Variants in ST3GAL6 observed in about 807,000 individuals in gnomAD.
ST3GAL6 encodes the protein ST3 beta-galactoside alpha-2,3-sialyltransferase 6.
ST3GAL6 carries 31 observed loss-of-function variants against 40.5 expected under a neutral mutation model. The observed-to-expected ratio is 0.77, with a 90% CI of 0.58 to 1.03. The LOEUF (loss-of-function observed/expected upper bound fraction) is 1.03, where lower values mean the gene tolerates loss of function less well. Among genes scored for constraint, ST3GAL6 ranks in the 50% least tolerant of loss-of-function variants. The pLI, the probability that ST3GAL6 is intolerant of heterozygous loss-of-function variation, is 0.00. For missense variants in ST3GAL6, 357 were observed against 393.2 expected, an observed-to-expected ratio of 0.91 and a Z score of 0.78; for synonymous variants, 129 against 136.9, an observed-to-expected ratio of 0.94 and a Z score of 0.40.
chr3:98,755,983 T>C (rs1434337404), intron 1 of ST3GAL6, among the ~76,000 whole-genome samples: 1 of 152,150 alleles, frequency 6.6e-6, no homozygotes, highest in Non-Finnish European at 1.5e-5. Flanking sequence ...TTCAGAGAAA[T>C]AGATACTTCT....
chr3:98,783,379 C>G lies in ST3GAL6; in HGVS notation c.336-1566C>G, dbSNP rs555456498. The G allele has an allele frequency of 5.3e-4, 92 of 174,878 alleles. 1 individual carries two copies. In the South Asian group the frequency reaches 0.015, roughly 29 times the overall value. 10.8% of individuals were successfully genotyped at this position (174,878 alleles called of 1,614,324 possible). On this transcript the variant is annotated intron_variant, in intron 5 of 9. Coordinates refer to ENST00000483910, the MANE Select transcript of ST3GAL6 (RefSeq NM_001323368.2). ...GTCTTGGTTAACTGACTCACACTGA[C>G]TGTGTGGTGCCCGCCCACTTTTACA...
chr3:98,783,575 A>C, intron 5 of ST3GAL6: 1 of 984,000 alleles, frequency 1.0e-6, no homozygotes, highest in Non-Finnish European at 1.2e-6. Flanking sequence ...TCCCAGAAAA[A>C]AGAAATAAAA....
At chr3:98,738,251 A>G (rs1576018653) in intron 1 of ST3GAL6, among the ~76,000 whole-genome samples, 1 of 151,726 alleles carries the variant, frequency 6.6e-6, no homozygotes, top group Non-Finnish European at 1.5e-5. Flanking sequence ...TTTGCTTTTT[A>G]TATTACCTAG....
intron 1 of ST3GAL6, among the ~76,000 whole-genome samples, chr3:98,738,648 A>G (rs1250904878): frequency 2.0e-5 from 3 of 152,222 alleles, no homozygotes; most frequent in African/African-American, 7.2e-5. Context: ...TAAAGGGTTC[A>G]ATTCAACAGG....
chr3:98,762,698 A>T, upstream of ST3GAL6: 3 of 675,206 alleles, frequency 4.4e-6, no homozygotes, highest in Non-Finnish European at 5.5e-6. Context: ...TTATTAAATG[A>T]TTATTTAACA....
intron 1 of ST3GAL6, among the ~76,000 whole-genome samples, chr3:98,743,430 C>A (rs1246238255): frequency 6.6e-6 from 1 of 152,102 alleles, no homozygotes; most frequent in Non-Finnish European, 1.5e-5. Flanking sequence ...TCTGAACCCG[C>A]AGGGCTGAGC....
At chr3:98,733,091 C>G (rs895195646) in intron 1 of ST3GAL6, 1 of 1,354,086 alleles carries the variant, frequency 7.4e-7, no homozygotes, top group African/African-American at 1.5e-5. Flanking sequence ...CCCGACCCTC[C>G]GGCTTTGCAG....
chr3:98,794,434 C>CT lies in ST3GAL6; in HGVS notation c.*676dup, dbSNP rs71625503. 1 of 151,518 alleles carries CT rather than the reference C, an allele frequency of 6.6e-6. No individual in the cohort carries two copies. The highest frequency in any genetic ancestry group is 2.4e-5 in the African/African-American group (1 of 41,176). The allele number at this position is 151,518 out of a possible 1,614,324, so 9.4% of individuals were successfully genotyped here. A position where few individuals can be genotyped will look rare whatever the true frequency, so the allele number is the denominator to read the frequency against. On this transcript the variant is annotated 3_prime_UTR_variant, in exon 10 of 10. Transcript: ENST00000483910. ...ATTATTTTAAAGAAATGAAGTTTAA[C>CT]TTTATACAGTGAAGCTAAGCTAGGC...
chr3:98,772,224 C>T (rs1939075776), intron 3 of ST3GAL6: 1 of 152,570 alleles, frequency 6.6e-6, no homozygotes, highest in East Asian at 1.9e-4. Flanking sequence ...TGAGGGCAGT[C>T]CCCTAGAGTG....
chr3:98,782,525 G>T, intron 5 of ST3GAL6: 3 of 583,476 alleles, frequency 5.1e-6, no homozygotes, highest in Non-Finnish European at 9.2e-6. Flanking sequence ...AGGAGGTCCT[G>T]CACGTAGGAA....
In ST3GAL6 at chr3:98,771,094, A is replaced by G. The variant is rs747216063; in HGVS notation, c.167+138A>G. The G allele has an allele frequency of 6.1e-5, 93 of 1,513,086 alleles. No individual in the cohort carries two copies. The Middle Eastern group carries it at 1.2e-3, about 19-fold the overall frequency. The allele number at this position is 1,513,086 out of a possible 1,614,324, so 93.7% of individuals were successfully genotyped here. On this transcript the variant is annotated intron_variant, in intron 3 of 9. Transcript: ENST00000483910. ...ACCCCATATTTAAGGAAGAGCTTGA[A>G]TATCCTGTCTCTTTTTGTGCTTTTA...
chr3:98,746,484 G>C (rs184633287), intron 1 of ST3GAL6, among the ~76,000 whole-genome samples: 2 of 152,146 alleles, frequency 1.3e-5, no homozygotes, highest in Admixed American at 1.3e-4. Context: ...TGCCCCAGAA[G>C]AGAAATGCCC....
chr3:98,770,615 T>TA, intron 2 of ST3GAL6: 4 of 361,746 alleles, frequency 1.1e-5, no homozygotes, highest in Non-Finnish European at 1.5e-5. Context: ...TCTCTGAAGG[T>TA]CCTTTGAATC....
intron 5 of ST3GAL6, chr3:98,782,183 G>A: frequency 1.5e-6 from 1 of 688,466 alleles, no homozygotes; most frequent in South Asian, 1.6e-5. Flanking sequence ...AAAGCATCTA[G>A]AGTTATGTTA....
intron 5 of ST3GAL6, among the ~76,000 whole-genome samples, chr3:98,779,048 A>T (rs1017762747): frequency 6.6e-6 from 1 of 152,106 alleles, no homozygotes; most frequent in East Asian, 1.9e-4. Context: ...CAACTTGCAC[A>T]TATGTTTGGA....
intron 1 of ST3GAL6, among the ~76,000 whole-genome samples, chr3:98,755,998 C>T (rs141802550): frequency 1.8e-4 from 28 of 152,166 alleles, no homozygotes; most frequent in African/African-American, 6.7e-4. Context: ...ACTTCTCTCA[C>T]CTCACCTCTG....
chr3:98,773,870 T>G, intron 4 of ST3GAL6, 50 bp from the exon 5 acceptor site: 3 of 1,522,104 alleles, frequency 2.0e-6, no homozygotes, highest in Non-Finnish European at 2.7e-6. Flanking sequence ...TACTAAGTAC[T>G]AAAAAGACAT....
chr3:98,746,108 A>G (rs1936524100), intron 1 of ST3GAL6, among the ~76,000 whole-genome samples: 1 of 152,148 alleles, frequency 6.6e-6, no homozygotes. Flanking sequence ...ATACATGGAT[A>G]TATGGATAGA....
chr3:98,786,522 A>G (rs1418213415), intron 6 of ST3GAL6, among the ~76,000 whole-genome samples: 1 of 152,134 alleles, frequency 6.6e-6, no homozygotes, highest in Non-Finnish European at 1.5e-5. Context: ...TAGAGGCGTG[A>G]TGTGGCAAGA....
Sources: gnomAD v4.1 joint callset for allele counts (sites outside exome capture counted in the v4.1 genomes callset) on GRCh38, gnomAD v4.1.1 for gene constraint, MANE v1.5 for transcripts, NCBI Gene and HGNC (gene_info 2026-07-23, HGNC 2026-07-21) for gene names.